ZC3H12C: variants seen among roughly 807,000 people sequenced by gnomAD.
ZC3H12C encodes the protein zinc finger CCCH-type containing 12C.
Under a neutral mutation model 76.3 loss-of-function variants are expected in ZC3H12C, and 20 were observed. That is an observed-to-expected ratio of 0.26 (90% confidence interval 0.18 to 0.38). The LOEUF is 0.38. ZC3H12C is among the 10% of genes least tolerant of loss of function. The pLI is 1.00. For synonymous variants in ZC3H12C, 352 were observed against 399.6 expected, an observed-to-expected ratio of 0.88 and a Z score of 1.42; for missense variants, 874 against 1,086.5, an observed-to-expected ratio of 0.80 and a Z score of 2.75.
intron 2 of ZC3H12C, among the ~76,000 whole-genome samples, chr11:110,141,503 A>C (rs567696475): frequency 6.6e-6 from 1 of 152,252 alleles, no homozygotes; most frequent in East Asian, 1.9e-4. Context: ...TTTGCCTTCA[A>C]TTGTTTGGTT....
At position 110,168,621 on chromosome 11, in the gene ZC3H12C, A is replaced by T. The variant is rs1353049082; in HGVS notation, c.*2884A>T. ...GGAGTATTTTGCCCCTGAATAATTG[A>T]CAGTTGACTGTGCTTTACACAGTAA... On this transcript the variant is annotated 3_prime_UTR_variant, in exon 6 of 6. Coordinates refer to ENST00000278590, the MANE Select transcript of ZC3H12C (RefSeq NM_033390.2). 1 of 152,192 alleles carries T rather than the reference A, an allele frequency of 6.6e-6. No homozygotes were observed. Among genetic ancestry groups the T allele is most frequent in the Non-Finnish European group, 1.5e-5 (1 of 68,012 alleles). 9.4% of individuals were successfully genotyped at this position (152,192 alleles called of 1,614,324 possible). A position where few individuals can be genotyped will look rare whatever the true frequency, so the allele number is the denominator to read the frequency against.
intron 4 of ZC3H12C, among the ~76,000 whole-genome samples, chr11:110,160,017 C>A (rs951737368): frequency 1.3e-5 from 2 of 152,248 alleles, no homozygotes; most frequent in Non-Finnish European, 2.9e-5. Flanking sequence ...TCCAGGCTAC[C>A]AACTTGTATA....
At chr11:110,162,982 C>T (rs1174163431) in intron 4 of ZC3H12C, among the ~76,000 whole-genome samples, 5 of 152,134 alleles carry the variant, frequency 3.3e-5, no homozygotes, top group Non-Finnish European at 7.3e-5. Context: ...TTTCTAAAAC[C>T]CTTACAAAAT....
At chr11:110,159,618 C>A in intron 4 of ZC3H12C, 128 bp downstream of exon 4, 1 of 801,788 alleles carries the variant, frequency 1.2e-6, no homozygotes, top group Non-Finnish European at 1.9e-6. Context: ...ACTGATCTCC[C>A]CACTGATCCT....
chr11:110,102,362 G>A (rs1223103488), intron 1 of ZC3H12C, among the ~76,000 whole-genome samples: 2 of 151,366 alleles, frequency 1.3e-5, no homozygotes, highest in Non-Finnish European at 2.9e-5. Context: ...ATGACTTTGA[G>A]GGCTTCAAGA....
chr11:110,128,226 A>G (rs1409576232), intron 1 of ZC3H12C, among the ~76,000 whole-genome samples: 1 of 152,038 alleles, frequency 6.6e-6, no homozygotes, highest in Non-Finnish European at 1.5e-5. Context: ...TGCAGTGGGA[A>G]GTGGACTAGG....
chr11:110,107,395 T>G (rs951420908), intron 1 of ZC3H12C, among the ~76,000 whole-genome samples: 6 of 152,186 alleles, frequency 3.9e-5, no homozygotes, highest in African/African-American at 7.2e-5. Context: ...TTGTTTGTTT[T>G]TTTCTGAGAC....
At chr11:110,121,617 T>C (rs559221862) in intron 1 of ZC3H12C, among the ~76,000 whole-genome samples, 1 of 152,306 alleles carries the variant, frequency 6.6e-6, no homozygotes, top group East Asian at 1.9e-4. Context: ...TTTTCTAGCC[T>C]TTTGCACAGC....
At chr11:110,110,474 C>T (rs1233270639) in intron 1 of ZC3H12C, among the ~76,000 whole-genome samples, 1 of 152,132 alleles carries the variant, frequency 6.6e-6, no homozygotes, top group South Asian at 2.1e-4. Context: ...TCCACCCTCA[C>T]ACTCAAGATT....
At chr11:110,149,988 C>A (rs1862241726) in intron 2 of ZC3H12C, among the ~76,000 whole-genome samples, 1 of 151,956 alleles carries the variant, frequency 6.6e-6, no homozygotes, top group South Asian at 2.1e-4. Context: ...TATAATTTTT[C>A]TTTTCATATT....
intron 1 of ZC3H12C, chr11:110,131,653 T>C (rs546011003): frequency 1.8e-4 from 28 of 152,680 alleles, no homozygotes; most frequent in African/African-American, 6.5e-4. Flanking sequence ...TTCTTCACTC[T>C]CACCTTTCTT....
At chr11:110,134,781 A>G (rs1464553056) in intron 1 of ZC3H12C, among the ~76,000 whole-genome samples, 1 of 152,158 alleles carries the variant, frequency 6.6e-6, no homozygotes, top group East Asian at 1.9e-4. Flanking sequence ...GAACAATGAT[A>G]TTAAAGTTGT....
intron 1 of ZC3H12C, among the ~76,000 whole-genome samples, chr11:110,101,694 C>T (rs1351272659): frequency 3.9e-5 from 6 of 152,038 alleles, no homozygotes; most frequent in East Asian, 1.9e-4. Context: ...ACTACAGGCC[C>T]GCGCCACCAC....
intron 1 of ZC3H12C, among the ~76,000 whole-genome samples, chr11:110,096,318 G>A (rs1251776417): frequency 1.3e-5 from 2 of 152,200 alleles, no homozygotes; most frequent in African/African-American, 4.8e-5. Context: ...GCATCTGATA[G>A]TATAAAGATA....
intron 1 of ZC3H12C, among the ~76,000 whole-genome samples, chr11:110,118,495 A>C (rs909228788): frequency 6.6e-6 from 1 of 152,142 alleles, no homozygotes; most frequent in African/African-American, 2.4e-5. Flanking sequence ...TATTTTAAGA[A>C]AAGTTTATTA....
intron 2 of ZC3H12C, among the ~76,000 whole-genome samples, chr11:110,143,384 A>C (rs1862101906): frequency 6.6e-6 from 1 of 152,160 alleles, no homozygotes; most frequent in Non-Finnish European, 1.5e-5. Flanking sequence ...GTCCTTTAAA[A>C]TTAAAATCTA....
intron 3 of ZC3H12C, 22 bp from the exon 4 acceptor site, chr11:110,159,234 C>CCTA: frequency 1.9e-6 from 3 of 1,573,506 alleles, no homozygotes; most frequent in Non-Finnish European, 2.6e-6. Context: ...TTTCTGCCAT[C>CCTA]CTACCGTCAT....
chr11:110,094,483 A>T (rs1017262406), intron 1 of ZC3H12C, among the ~76,000 whole-genome samples: 5 of 152,270 alleles, frequency 3.3e-5, no homozygotes, highest in Non-Finnish European at 5.9e-5. Flanking sequence ...ACGGAAAACG[A>T]GATAAACCTC....
In ZC3H12C at chr11:110,136,984, A is replaced by G. The variant is rs1861975198; in HGVS notation, c.343A>G (p.Lys115Glu). ...SISVEPGLIT[K>E]THRQLCRSPC... ...TTCAGTAGAGCCAGGCTTGATAACT[A>G]AGACTCACAGACAGCTCTGCAGGTC... Residue 115 changes from lysine to glutamate, a missense_variant, in exon 2 of 6, where the codon AAG becomes GAG. Physicochemically the swap from Lys to Glu is moderately conservative, Grantham distance 56. Transcript: ENST00000278590. 9 of 1,613,800 alleles carry G rather than the reference A, an allele frequency of 5.6e-6. No individual in the cohort carries two copies. The East Asian group carries it at 1.6e-4, about 28-fold the overall frequency.
Sources: gnomAD v4.1 joint callset for allele counts (sites outside exome capture counted in the v4.1 genomes callset) on GRCh38, gnomAD v4.1.1 for gene constraint, MANE v1.5 for transcripts, NCBI Gene and HGNC (gene_info 2026-07-23, HGNC 2026-07-21) for gene names.